HPS1: variants seen among roughly 807,000 people sequenced by gnomAD.
HPS1 encodes the protein BLOC-3 complex member HPS1.
HPS1 carries 59 observed loss-of-function variants against 90.6 expected under a neutral mutation model. The ratio of observed to expected loss-of-function variants is 0.65; its 90% CI spans 0.53 to 0.81. The LOEUF (loss-of-function observed/expected upper bound fraction) is 0.81. Ranked by LOEUF, HPS1 falls within the 30% of genes least tolerant of loss-of-function variation. The pLI is 0.00. For missense variants in HPS1, 849 were observed against 896.7 expected, an observed-to-expected ratio of 0.95 and a Z score of 0.68; for synonymous variants, 388 against 384.4, an observed-to-expected ratio of 1.01 and a Z score of -0.11.
intron 3 of HPS1, among the ~76,000 whole-genome samples, chr10:98,440,220 C>A (rs376017512): frequency 1.3e-5 from 2 of 152,036 alleles, no homozygotes; most frequent in East Asian, 1.9e-4. Context: ...TATTACTTGG[C>A]GGAATTATAA....
chr10:98,433,963 C>T lies in HPS1; in HGVS notation c.507+20G>A, dbSNP rs372086083. On this transcript the variant is annotated intron_variant, in intron 6 of 19. Transcript: ENST00000361490. ...ACCTGACAGCTTCAAGTCCTGAGGA[C>T]TCCCGCGCCCAGTAGTCACCTCCAC... The T allele has an allele frequency of 1.3e-6, 2 of 1,551,978 alleles. No individual in the cohort carries two copies. The highest frequency in any genetic ancestry group is 1.4e-5 in the African/African-American group (1 of 73,150).
chr10:98,433,043 C>A (rs1370856698), intron 6 of HPS1, among the ~76,000 whole-genome samples: 2 of 151,954 alleles, frequency 1.3e-5, no homozygotes, highest in Admixed American at 6.6e-5. Context: ...ACCAGCCTGA[C>A]CAACATAGTG....
chr10:98,431,424 G>T (rs937776416), intron 6 of HPS1, 133 bp from the exon 7 acceptor site: 6 of 936,928 alleles, frequency 6.4e-6, no homozygotes, highest in Middle Eastern at 2.2e-4. Context: ...GAAACAGGGG[G>T]ACTAAGACCC....
chr10:98,440,481 T>C (rs1436060677), intron 3 of HPS1, among the ~76,000 whole-genome samples: 2 of 151,912 alleles, frequency 1.3e-5, no homozygotes, highest in East Asian at 3.8e-4. Flanking sequence ...TCTGAGACTA[T>C]TTAAAAAAAT....
intron 17 of HPS1, among the ~76,000 whole-genome samples, chr10:98,422,075 T>A (rs1246581661): frequency 2.0e-5 from 3 of 151,840 alleles, no homozygotes. Flanking sequence ...AACTTTGTCA[T>A]GAAAAACAGT....
intron 10 of HPS1, 117 bp downstream of exon 10, chr10:98,429,456 T>A: frequency 6.3e-7 from 1 of 1,581,290 alleles, no homozygotes; most frequent in South Asian, 1.1e-5. Flanking sequence ...GGAACACGGG[T>A]ACCTGCACTC....
intron 6 of HPS1, chr10:98,431,509 G>A (rs570018995): frequency 6.7e-6 from 4 of 599,222 alleles, no homozygotes; most frequent in South Asian, 6.0e-5. Flanking sequence ...AATACACAAG[G>A]AAATAAAGTA....
Position 98,429,833 on chromosome 10 carries a change from G to C in HPS1, c.825C>G (p.Ser275Arg). The C allele has an allele frequency of 6.2e-7, 1 of 1,613,662 alleles. No individual in the cohort carries two copies. The highest frequency in any genetic ancestry group is 8.5e-7 in the Non-Finnish European group (1 of 1,180,018). Reference sequence around the variant, plus strand: ...CCCCAGTTGGGCCCGTGGAGTGAGGGCTCCAGGCCTGCTGCACGGGGATGT... The same window carrying C: ...CCCCAGTTGGGCCCGTGGAGTGAGGCCTCCAGGCCTGCTGCACGGGGATGT... ...SQNIPVQQAW[S>R]PHSTGPTGGS... The change falls in exon 9 of 20, where the codon AGC (serine) becomes AGG (arginine). Residue 275 changes from serine (S) to arginine (R), a missense_variant. Transcript: ENST00000361490.
chr10:98,423,734 G>T lies in HPS1; in HGVS notation c.1532+19C>A. The T allele has an allele frequency of 6.2e-7, 1 of 1,614,096 alleles. No individual in the cohort carries two copies. Among genetic ancestry groups the T allele is most frequent in the African/African-American group, 1.3e-5 (1 of 75,064 alleles). ...CCCAGACCCTGCCCTGGCCACCCAGGGGGCCGCACTGCACTTACCGCATGA... is the reference window on the plus strand; with the variant it reads ...CCCAGACCCTGCCCTGGCCACCCAGTGGGCCGCACTGCACTTACCGCATGA... On this transcript the variant is annotated intron_variant, in intron 15 of 19. Coordinates refer to ENST00000361490, the MANE Select transcript of HPS1 (RefSeq NM_000195.5).
chr10:98,422,598 G>C, intron 16 of HPS1, 85 bp from the exon 17 acceptor site: 8 of 1,369,072 alleles, frequency 5.8e-6, no homozygotes, highest in Admixed American at 1.7e-5. Context: ...GCCCAGTCAT[G>C]GTGGCAGGAG....
At chr10:98,428,853 T>C (rs897374945) in intron 10 of HPS1, among the ~76,000 whole-genome samples, 1 of 151,998 alleles carries the variant, frequency 6.6e-6, no homozygotes, top group Non-Finnish European at 1.5e-5. Flanking sequence ...GTTTTGTTTT[T>C]TTTTTTGAGA....
At chr10:98,423,993 C>A (rs1476137322) in intron 14 of HPS1, 106 bp from the exon 15 acceptor site, 13 of 1,454,184 alleles carry the variant, frequency 8.9e-6, no homozygotes, top group Non-Finnish European at 1.1e-5. Context: ...ACCTGGGGAG[C>A]CCTTCCCCCT....
intron 16 of HPS1, among the ~76,000 whole-genome samples, chr10:98,422,967 G>A (rs1029906974): frequency 1.5e-4 from 23 of 152,332 alleles, no homozygotes; most frequent in African/African-American, 5.3e-4. Context: ...GACATCCATA[G>A]AAGGGCAGCA....
intron 2 of HPS1, 130 bp from the exon 3 acceptor site, chr10:98,443,370 G>A (rs1938805864): frequency 1.3e-6 from 1 of 781,602 alleles, no homozygotes; most frequent in African/African-American, 1.7e-5. Flanking sequence ...GCATCACAAG[G>A]GACTTCCATT....
Position 98,423,622 on chromosome 10 carries a change from T to A in HPS1, c.1579A>T (p.Arg527Trp). ...WKDFLLVKSR[R>W]NITMVSYLED... ...GGATATGACACCATGGTGATGTTCC[T>A]CCTGCTCTTCACCAGCAAGAAGTCC... The change falls in exon 16 of 20, where the codon AGG becomes TGG. Residue 527 changes from arginine (R) to tryptophan (W), a missense_variant. Physicochemically the swap from Arg to Trp is moderately radical, Grantham distance 101. Coordinates refer to ENST00000361490, the MANE Select transcript of HPS1 (RefSeq NM_000195.5). The A allele has an allele frequency of 1.9e-6, 3 of 1,613,968 alleles. No homozygotes were observed. Among genetic ancestry groups the A allele is most frequent in the Non-Finnish European group, 2.5e-6 (3 of 1,179,928 alleles).
chr10:98,420,225 G>C, intron 17 of HPS1, 67 bp from the exon 18 acceptor site: 1 of 1,172,726 alleles, frequency 8.5e-7, no homozygotes, highest in Non-Finnish European at 1.3e-6. Flanking sequence ...TCTCACCTCC[G>C]AAGGAAGGAA....
Position 98,417,690 on chromosome 10 carries a change from G to A in HPS1, c.1977C>T (p.Thr659=), listed in dbSNP as rs751349303. Residue 659 remains threonine (T), a synonymous_variant, in exon 20 of 20, where the codon ACC becomes ACT. Transcript: ENST00000361490. This position sits in a 1 kb window ranked among gnomAD's most constrained non-coding sequence, Gnocchi z 4.2. Reference sequence around the variant, plus strand: ...GCAGCTCGTAGCACCTGACAGCCTCGGTTGGGCGGTTCTTGCTGTAGTAGC... The same window carrying A: ...GCAGCTCGTAGCACCTGACAGCCTCAGTTGGGCGGTTCTTGCTGTAGTAGC... ...LLRYYSKNRP[T]EAVRCYELLA... 2.4e-5 allele frequency: 38 copies of A among 1,613,764 alleles called. No homozygotes were observed. The East Asian group carries it at 4.2e-4, about 18-fold the overall frequency.
chr10:98,428,510 G>T (rs984042814), intron 10 of HPS1, among the ~76,000 whole-genome samples: 1 of 152,184 alleles, frequency 6.6e-6, no homozygotes, highest in African/African-American at 2.4e-5. Context: ...TCACACCTGG[G>T]TCCCAGGCCC....
chr10:98,429,486 G>T (rs1341432797), intron 10 of HPS1, 87 bp downstream of exon 10: 1 of 1,608,312 alleles, frequency 6.2e-7, no homozygotes, highest in South Asian at 1.1e-5. Context: ...GAGGCACGGG[G>T]GTCCACTGGA....
Sources: allele counts gnomAD v4.1 joint callset (sites outside exome capture counted in the v4.1 genomes callset), GRCh38; gene constraint gnomAD v4.1.1; non-coding constraint Gnocchi (gnomAD v3.1); transcripts MANE v1.5; gene names NCBI Gene and HGNC (gene_info 2026-07-23, HGNC 2026-07-21).